Variants in ZBTB38 observed in about 807,000 individuals in gnomAD.
ZBTB38 encodes the protein zinc finger and BTB domain containing 38.
Under a neutral mutation model 76.8 loss-of-function variants are expected in ZBTB38, and 20 were observed. That is an observed-to-expected ratio of 0.26 (90% CI 0.18 to 0.38). The LOEUF (loss-of-function observed/expected upper bound fraction) is 0.38, where lower values mean the gene tolerates loss of function less well. Ranked by LOEUF, ZBTB38 falls within the 10% of genes least tolerant of loss-of-function variation. The pLI, the probability that ZBTB38 is intolerant of heterozygous loss-of-function variation, is 1.00. For missense variants in ZBTB38, 1,082 were observed against 1,482.3 expected (o/e 0.73, Z 4.43); for synonymous variants, 504 against 544.2 (o/e 0.93, Z 1.03).
At chr3:141,330,022 CATTT>C (rs978480328) in intron 1 of ZBTB38, among the ~76,000 whole-genome samples, 20 of 151,300 alleles carry the variant, frequency 1.3e-4, no homozygotes, top group East Asian at 3.9e-4. Flanking sequence ...AATTTATATA[CATTT>C]ATTTATGTAT....
chr3:141,417,962 C>T (rs1210568251), intron 5 of ZBTB38, among the ~76,000 whole-genome samples: 1 of 151,998 alleles, frequency 6.6e-6, no homozygotes, highest in South Asian at 2.1e-4. Context: ...TGCAGTGAGC[C>T]GAGATCGCGC....
At chr3:141,340,352 C>T (rs990092262) in intron 1 of ZBTB38, among the ~76,000 whole-genome samples, 1 of 152,086 alleles carries the variant, frequency 6.6e-6, no homozygotes, top group South Asian at 2.1e-4. Context: ...AGAGACTTTG[C>T]CTAAAAGACC....
chr3:141,329,188 GCTT>G (rs1942767108), intron 1 of ZBTB38, among the ~76,000 whole-genome samples: 1 of 152,174 alleles, frequency 6.6e-6, no homozygotes, highest in South Asian at 2.1e-4. Flanking sequence ...TCCTTTATAT[GCTT>G]CTTAAGCACT....
At chr3:141,353,511 A>G (rs1943578078) in intron 1 of ZBTB38, among the ~76,000 whole-genome samples, 1 of 152,104 alleles carries the variant, frequency 6.6e-6, no homozygotes, top group Non-Finnish European at 1.5e-5. Context: ...ATTACCTACC[A>G]ATACAATAGA....
rs1057025378 is a variant in ZBTB38 at position 141,371,098 on chromosome 3, G to C, written c.-235+1152G>C. Reference sequence around the variant, plus strand: ...AGGCAGAGTCTCACTCTGTTGCCAGGCTGGAGTGCATCGGCATGATCTCAG... The same window carrying C: ...AGGCAGAGTCTCACTCTGTTGCCAGCCTGGAGTGCATCGGCATGATCTCAG... On this transcript the variant is annotated intron_variant, in intron 2 of 5. Coordinates refer to ENST00000321464, the MANE Select transcript of ZBTB38 (RefSeq NM_001376113.1). Among the ~76,000 whole-genome samples the C allele has an allele frequency of 4.0e-5, 5 of 124,164 alleles. No individual in the cohort carries two copies. In the East Asian group the frequency reaches 1.0e-3, roughly 26 times the overall value. 81.5% of individuals were successfully genotyped at this position (124,164 alleles called of 152,430 possible). A position where few individuals can be genotyped will look rare whatever the true frequency, so the allele number is the denominator to read the frequency against.
Position 141,426,200 on chromosome 3 carries a change from C to T in ZBTB38, c.1-16189C>T, listed in dbSNP as rs570344833. 126 of 1,289,290 alleles carry T rather than the reference C, an allele frequency of 9.8e-5. 1 individual carries two copies. In the South Asian group the frequency reaches 1.1e-3, roughly 11 times the overall value. The allele number at this position is 1,289,290 out of a possible 1,614,324, so 79.9% of individuals were successfully genotyped here. On this transcript the variant is annotated intron_variant, in intron 5 of 5. Transcript: ENST00000321464. ...TCCTTCATAGTGTAGTCAGAAGTCA[C>T]AGGCCAGGTCGTGCGGACTATATAT...
intron 1 of ZBTB38, among the ~76,000 whole-genome samples, chr3:141,337,172 C>T (rs1460899935): frequency 6.6e-6 from 1 of 152,164 alleles, no homozygotes; most frequent in East Asian, 1.9e-4. Context: ...TAGGAACCTG[C>T]ATACAAGTAT....
rs1320643587 is a variant in ZBTB38, at chr3:141,442,937, G to T, written c.549G>T (p.Leu183=). Residue 183 remains leucine (L), a synonymous_variant, in exon 6 of 6, where the codon CTG becomes CTT. Transcript: ENST00000321464. This position sits in a 1 kb window ranked among gnomAD's most constrained non-coding sequence, Gnocchi z 6.4. ...ATAGTAATAACATGTTTTCCCCGCT[G>T]GACTTGAGGGCAAGTTTCAAAAAGG... The part of the protein sequence containing the change: ...TENSNNMFSP[L]DLRASFKKVS... 2 of 1,614,228 alleles carry T rather than the reference G, an allele frequency of 1.2e-6. No individual in the cohort carries two copies. The highest frequency in any genetic ancestry group is 2.2e-5 in the South Asian group (2 of 91,084).
At chr3:141,378,755 C>T (rs1012654827) in intron 2 of ZBTB38, among the ~76,000 whole-genome samples, 2 of 152,130 alleles carry the variant, frequency 1.3e-5, no homozygotes, top group Non-Finnish European at 2.9e-5. Context: ...AGACTGACAG[C>T]CCATCTCGGA....
rs1017751706 is a variant in ZBTB38 at position 141,441,051 on chromosome 3, G to C, written c.1-1338G>C. On this transcript the variant is annotated intron_variant, in intron 5 of 5. Transcript: ENST00000321464. The stretch of plus-strand genomic sequence containing the variant: ...CAATCTCAAAAAAAAAAAAAAAAAA[G>C]AAAAGAAAAAGAAAGAAAAGAAAAA... 8.5e-5 allele frequency among the ~76,000 whole-genome samples: 12 copies of C among 140,716 alleles called. No homozygotes were observed. The East Asian group carries it at 2.5e-3, about 29-fold the overall frequency. The allele number at this position is 140,716 out of a possible 152,430, so 92.3% of individuals were successfully genotyped here. A position where few individuals can be genotyped will look rare whatever the true frequency, so the allele number is the denominator to read the frequency against.
rs200973051 is a variant in ZBTB38 at position 141,446,083 on chromosome 3, T to TAAA, written c.*119_*121dup. 101 of 701,250 alleles carry TAAA rather than the reference T, an allele frequency of 1.4e-4. No homozygotes were observed. The highest frequency in any genetic ancestry group is 2.8e-4 in the East Asian group (8 of 29,070). 43.4% of individuals were successfully genotyped at this position (701,250 alleles called of 1,614,324 possible). ...TGTGACAGTCATGAAGGAGTGAAAT[T>TAAA]AAAAAAAAAAAAAACTCATTTGTGA... On this transcript the variant is annotated 3_prime_UTR_variant, in exon 6 of 6. Transcript: ENST00000321464.
chr3:141,385,422 A>G (rs1946835953), intron 3 of ZBTB38, among the ~76,000 whole-genome samples: 1 of 152,180 alleles, frequency 6.6e-6, no homozygotes, highest in Non-Finnish European at 1.5e-5. Flanking sequence ...TTCTTGTTTT[A>G]TACAGCATGG....
chr3:141,329,746 A>G (rs1041205934), intron 1 of ZBTB38, among the ~76,000 whole-genome samples: 3 of 152,076 alleles, frequency 2.0e-5, no homozygotes, highest in South Asian at 2.1e-4. Context: ...CTATATTTCA[A>G]CCTCTATTGC....
chr3:141,436,979 G>A (rs962692788), intron 5 of ZBTB38, among the ~76,000 whole-genome samples: 4 of 152,180 alleles, frequency 2.6e-5, no homozygotes, highest in Admixed American at 2.0e-4. Context: ...CTTTGGACCT[G>A]TGAAATAGCT....
chr3:141,340,600 A>G (rs1576645463), intron 1 of ZBTB38, among the ~76,000 whole-genome samples: 1 of 142,384 alleles, frequency 7.0e-6, no homozygotes. Flanking sequence ...TCTCCAAAGA[A>G]AATATACAAG....
chr3:141,382,255 C>T (rs2149184086), intron 3 of ZBTB38, among the ~76,000 whole-genome samples: 1 of 152,276 alleles, frequency 6.6e-6, no homozygotes, highest in South Asian at 2.1e-4. Flanking sequence ...AGAGAACAGG[C>T]TACTCTGATT....
intron 1 of ZBTB38, among the ~76,000 whole-genome samples, chr3:141,356,887 CATTA>C (rs1207243539): frequency 6.6e-6 from 1 of 152,178 alleles, no homozygotes; most frequent in Non-Finnish European, 1.5e-5. Flanking sequence ...AGATTTCCTT[CATTA>C]ATCATCAAGA....
rs747704752 is a variant in ZBTB38 at position 141,445,367 on chromosome 3, G to T, written c.2979G>T (p.Val993=). 1.9e-6 allele frequency: 3 copies of T among 1,614,116 alleles called. No homozygotes were observed. The highest frequency in any genetic ancestry group is 2.2e-5 in the East Asian group (1 of 44,876). ...QCELCDGDKA[V]GAGNQGRPHR... Reference sequence around the variant, plus strand: ...AACTCTGTGATGGAGACAAAGCAGTGGGGGCTGGAAACCAAGGAAGGCCCC... The same window carrying T: ...AACTCTGTGATGGAGACAAAGCAGTTGGGGCTGGAAACCAAGGAAGGCCCC... Residue 993 remains valine, a synonymous_variant, in exon 6 of 6, where the codon GTG becomes GTT. Coordinates refer to ENST00000321464, the MANE Select transcript of ZBTB38 (RefSeq NM_001376113.1). The surrounding 1 kb of genome is among the most constrained non-coding windows in gnomAD (Gnocchi z 6.5).
chr3:141,325,815 T>C (rs1156619401), intron 1 of ZBTB38, among the ~76,000 whole-genome samples: 2 of 152,184 alleles, frequency 1.3e-5, no homozygotes, highest in Non-Finnish European at 2.9e-5. Flanking sequence ...CGATGGCTGG[T>C]GACTAGCAAA....
Sources: allele counts gnomAD v4.1 joint callset (sites outside exome capture counted in the v4.1 genomes callset), GRCh38; gene constraint gnomAD v4.1.1; non-coding constraint Gnocchi (gnomAD v3.1); transcripts MANE v1.5; gene names NCBI Gene and HGNC (gene_info 2026-07-23, HGNC 2026-07-21).